The following CTNNA2 variants were observed in gnomAD, a reference collection of about 807,000 sequenced individuals.
CTNNA2 encodes the protein catenin alpha-2.
CTNNA2 carries 42 observed loss-of-function variants against 101.0 expected under a neutral mutation model. The observed-to-expected ratio is 0.42, with a 90% confidence interval of 0.32 to 0.54. CTNNA2 has a LOEUF of 0.54. Ranked by LOEUF, CTNNA2 falls within the 20% of genes least tolerant of loss-of-function variation. The probability of loss-of-function intolerance (pLI) is 0.14; values close to 1 mark genes in which losing one functional copy is unlikely to be tolerated. For synonymous variants in CTNNA2, 450 were observed against 456.4 expected, an observed-to-expected ratio of 0.99 and a Z score of 0.18; for missense variants, 871 against 1,223.1, an observed-to-expected ratio of 0.71 and a Z score of 4.29.
chr2:79,306,902 A>G (rs1240224142), intron 2 of CTNNA2, among the ~76,000 whole-genome samples: 1 of 152,178 alleles, frequency 6.6e-6, no homozygotes, highest in Non-Finnish European at 1.5e-5. Flanking sequence ...TGCATTAGCC[A>G]TTCTGGTTTT....
At chr2:80,300,919 T>C (rs1309086144) in intron 7 of CTNNA2, among the ~76,000 whole-genome samples, 1 of 146,500 alleles carries the variant, frequency 6.8e-6, no homozygotes, top group African/African-American at 2.5e-5. Context: ...CTATGAGGGG[T>C]GAGAAGGAGC....
At chr2:80,373,697 T>A (rs192515800) in intron 7 of CTNNA2, among the ~76,000 whole-genome samples, 12 of 152,308 alleles carry the variant, frequency 7.9e-5, no homozygotes, top group African/African-American at 2.9e-4. Flanking sequence ...GATGTAAGAC[T>A]CTAGAAGGAG....
intron 2 of CTNNA2, among the ~76,000 whole-genome samples, chr2:79,736,501 T>C (rs546199909): frequency 2.6e-5 from 4 of 152,320 alleles, no homozygotes; most frequent in Admixed American, 2.6e-4. Flanking sequence ...AGTTGAAGAC[T>C]TAGCTTCTTC....
chr2:79,860,304 C>T (rs1681488173), intron 4 of CTNNA2, among the ~76,000 whole-genome samples: 1 of 152,116 alleles, frequency 6.6e-6, no homozygotes. Context: ...TGTGGAAGGC[C>T]CTGTCAGCAA....
At chr2:80,556,082 C>T (rs917129097) in intron 12 of CTNNA2, among the ~76,000 whole-genome samples, 189 bp downstream of exon 12, 5 of 152,164 alleles carry the variant, frequency 3.3e-5, no homozygotes, top group African/African-American at 9.7e-5. Flanking sequence ...AGGAGAATGA[C>T]AGTTGTACTG....
At chr2:79,765,204 G>T (rs1240227588) in intron 3 of CTNNA2, among the ~76,000 whole-genome samples, 4 of 152,188 alleles carry the variant, frequency 2.6e-5, no homozygotes, top group Non-Finnish European at 5.9e-5. Context: ...ATTTTTTCCA[G>T]TGCTTATCTC....
intron 3 of CTNNA2, among the ~76,000 whole-genome samples, chr2:79,765,521 T>A (rs1248221317): frequency 7.0e-4 from 107 of 152,212 alleles, no homozygotes; most frequent in Non-Finnish European, 2.9e-5. Context: ...AAGATGCTTG[T>A]GTTTAATGGG....
chr2:79,886,562 T>C (rs1276733629), intron 6 of CTNNA2, among the ~76,000 whole-genome samples: 1 of 151,294 alleles, frequency 6.6e-6, no homozygotes, highest in Non-Finnish European at 1.5e-5. Context: ...CCATCCTGGC[T>C]AACATGGTGA....
At chr2:80,160,393 T>A (rs143242259) in intron 7 of CTNNA2, among the ~76,000 whole-genome samples, 2 of 152,206 alleles carry the variant, frequency 1.3e-5, no homozygotes, top group Admixed American at 6.5e-5. Flanking sequence ...TTGGGTAGAA[T>A]TGATGTCTTT....
intron 1 of CTNNA2, among the ~76,000 whole-genome samples, chr2:79,522,278 A>G (rs565003085): frequency 4.7e-4 from 72 of 152,196 alleles, no homozygotes; most frequent in Non-Finnish European, 8.4e-4. Flanking sequence ...ATCTTCAAAC[A>G]GATCCTCAGA....
At chr2:80,270,873 A>G (rs1673407763) in intron 7 of CTNNA2, among the ~76,000 whole-genome samples, 1 of 152,174 alleles carries the variant, frequency 6.6e-6, no homozygotes, top group South Asian at 2.1e-4. Flanking sequence ...AATGCTAGCC[A>G]CCCTGGTATA....
intron 3 of CTNNA2, among the ~76,000 whole-genome samples, chr2:79,761,758 C>T (rs1032643558): frequency 6.6e-6 from 1 of 152,168 alleles, no homozygotes; most frequent in Non-Finnish European, 1.5e-5. Flanking sequence ...AATTGGTTTA[C>T]TTCTAATTGT....
intron 7 of CTNNA2, among the ~76,000 whole-genome samples, chr2:80,331,906 A>G (rs1671368457): frequency 6.6e-6 from 1 of 151,998 alleles, no homozygotes; most frequent in Middle Eastern, 3.2e-3. Flanking sequence ...ATGCTACTCC[A>G]ATCCTTCTGC....
intron 2 of CTNNA2, among the ~76,000 whole-genome samples, chr2:79,292,002 G>A (rs1002264515): frequency 2.6e-5 from 4 of 151,996 alleles, no homozygotes; most frequent in Admixed American, 6.6e-5. Context: ...AGGGCTTTTG[G>A]GGGGTAGAGC....
At chr2:79,922,239 C>T (rs895740263) in intron 7 of CTNNA2, among the ~76,000 whole-genome samples, 2 of 152,112 alleles carry the variant, frequency 1.3e-5, no homozygotes, top group African/African-American at 2.4e-5. Flanking sequence ...ATATTTTCTT[C>T]TTTTTCCCCC....
chr2:79,995,882 T>C (rs1392283488), intron 7 of CTNNA2, among the ~76,000 whole-genome samples: 1 of 152,216 alleles, frequency 6.6e-6, no homozygotes, highest in Admixed American at 6.5e-5. Flanking sequence ...ATGTTTGATT[T>C]TAATTCAAAA....
chr2:79,307,684 G>A (rs547028573), intron 2 of CTNNA2, among the ~76,000 whole-genome samples: 3 of 152,162 alleles, frequency 2.0e-5, no homozygotes, highest in African/African-American at 7.2e-5. Flanking sequence ...TAAGCATGGG[G>A]GTACAGAAGT....
intron 12 of CTNNA2, among the ~76,000 whole-genome samples, chr2:80,557,371 A>G (rs1693136236): frequency 6.6e-6 from 1 of 152,152 alleles, no homozygotes; most frequent in African/African-American, 2.4e-5. Flanking sequence ...TAATTCTCCA[A>G]ATTAAGGACT....
rs1302367592 is a variant in CTNNA2 at position 79,890,231 on chromosome 2, G to T, written c.852+15889G>T. On this transcript the variant is annotated intron_variant, in intron 6 of 18. Coordinates refer to ENST00000402739, the MANE Select transcript of CTNNA2 (RefSeq NM_001282597.3). ...AGCGGGTAGGGATAAAGGGAGAAAA[G>T]ATGACATAGACTGTGGTCCCTGATG... Among the ~76,000 whole-genome samples, 3 of 152,326 alleles carry T rather than the reference G, an allele frequency of 2.0e-5. No homozygotes were observed. The East Asian group carries it at 5.8e-4, about 29-fold the overall frequency.
Sources: gnomAD v4.1 joint callset for allele counts (sites outside exome capture counted in the v4.1 genomes callset) on GRCh38, gnomAD v4.1.1 for gene constraint, MANE v1.5 for transcripts, NCBI Gene and HGNC (gene_info 2026-07-23, HGNC 2026-07-21) for gene names.